The following TRABD2B variants were observed in gnomAD, a reference collection of about 807,000 sequenced individuals.
TRABD2B encodes metalloprotease TIKI2.
In TRABD2B, 14 loss-of-function variants were observed where a neutral mutation model predicts 40.1. That is an observed-to-expected ratio of 0.35 (90% confidence interval 0.23 to 0.55). TRABD2B has a LOEUF of 0.55. TRABD2B is among the 20% of genes least tolerant of loss of function. The probability of loss-of-function intolerance (pLI) is 0.90; values close to 1 mark genes in which losing one functional copy is unlikely to be tolerated. For missense variants in TRABD2B, 541 were observed against 648.6 expected (o/e 0.83, Z 1.80); for synonymous variants, 263 against 277.0 (o/e 0.95, Z 0.50).
At chr1:47,979,572 C>T (rs746039240) in intron 2 of TRABD2B, among the ~76,000 whole-genome samples, 9 of 152,130 alleles carry the variant, frequency 5.9e-5, no homozygotes, top group Non-Finnish European at 1.2e-4. Context: ...CTCTATTCAC[C>T]GACCAAGGAT....
chr1:47,886,734 G>C lies in TRABD2B; in HGVS notation c.667-85115C>G, dbSNP rs547649866. Among the ~76,000 whole-genome samples the C allele has an allele frequency of 2.0e-5, 3 of 152,272 alleles. No individual in the cohort carries two copies. In the East Asian group the frequency reaches 5.8e-4, roughly 29 times the overall value. On this transcript the variant is annotated intron_variant, in intron 2 of 6. Transcript: ENST00000606738. The stretch of plus-strand genomic sequence containing the variant: ...CTCACTGCCAGGCCCTGTGTTAGGG[G>C]CTAGGGACAAACAGTGGTGAATTGG...
intron 2 of TRABD2B, among the ~76,000 whole-genome samples, chr1:47,922,936 T>C (rs961480982): frequency 6.6e-6 from 1 of 152,224 alleles, no homozygotes; most frequent in African/African-American, 2.4e-5. Context: ...AGATCCTGAA[T>C]GGCCTTATAA....
At position 47,893,691 on chromosome 1, in the gene TRABD2B, T is replaced by C. The variant is rs146863010; in HGVS notation, c.667-92072A>G. Reference sequence around the variant, plus strand: ...CACAGGGAAGTTGCCAAACATGCTGTTGTTGATTAAATGCACAGTCGCTAC... The same window carrying C: ...CACAGGGAAGTTGCCAAACATGCTGCTGTTGATTAAATGCACAGTCGCTAC... On this transcript the variant is annotated intron_variant, in intron 2 of 6. Transcript: ENST00000606738. Among the ~76,000 whole-genome samples, 21 of 152,314 alleles carry C rather than the reference T, an allele frequency of 1.4e-4. No individual in the cohort carries two copies. The East Asian group carries it at 4.0e-3, about 29-fold the overall frequency.
At chr1:47,804,732 C>T (rs1218266406) in intron 2 of TRABD2B, among the ~76,000 whole-genome samples, 3 of 152,178 alleles carry the variant, frequency 2.0e-5, no homozygotes, top group Non-Finnish European at 1.5e-5. Context: ...TTAAATAAAA[C>T]TGAGAGGAAA....
chr1:47,879,359 A>C (rs1644268762), intron 2 of TRABD2B, among the ~76,000 whole-genome samples: 1 of 152,140 alleles, frequency 6.6e-6, no homozygotes, highest in African/African-American at 2.4e-5. Context: ...TTATGTTTAG[A>C]TATGTTGAGA....
chr1:47,829,565 C>G (rs1276011865), intron 2 of TRABD2B, among the ~76,000 whole-genome samples: 1 of 152,154 alleles, frequency 6.6e-6, no homozygotes, highest in Non-Finnish European at 1.5e-5. Context: ...CCTGCCAGAT[C>G]CCCAAGCCTA....
intron 2 of TRABD2B, among the ~76,000 whole-genome samples, chr1:47,848,921 ATGGCTCCC>A (rs1384504485): frequency 6.6e-6 from 1 of 152,202 alleles, no homozygotes; most frequent in African/African-American, 2.4e-5. Flanking sequence ...CCCTATGGAC[ATGGCTCCC>A]TGAAATGCCA....
At chr1:47,961,359 A>G (rs1308430172) in intron 2 of TRABD2B, among the ~76,000 whole-genome samples, 1 of 152,238 alleles carries the variant, frequency 6.6e-6, no homozygotes, top group Admixed American at 6.5e-5. Context: ...AAAATTGACC[A>G]ATGGGATCTA....
intron 2 of TRABD2B, among the ~76,000 whole-genome samples, chr1:47,809,426 C>T (rs1244309293): frequency 6.6e-6 from 1 of 152,102 alleles, no homozygotes; most frequent in Admixed American, 6.6e-5. Flanking sequence ...GGACCCCCAC[C>T]CTGAGCAGCT....
chr1:47,778,082 G>T (rs1260693052), intron 5 of TRABD2B, among the ~76,000 whole-genome samples: 2 of 152,126 alleles, frequency 1.3e-5, no homozygotes, highest in Non-Finnish European at 2.9e-5. Context: ...CCAGGAAAGA[G>T]ACCAGGGCCC....
At position 47,996,505 on chromosome 1, in the gene TRABD2B, C is replaced by T. The variant is rs1041905453; in HGVS notation, c.102+183G>A. Among the ~76,000 whole-genome samples, 3 of 152,202 alleles carry T rather than the reference C, an allele frequency of 2.0e-5. No homozygotes were observed. Among genetic ancestry groups the T allele is most frequent in the Admixed American group, 6.5e-5 (1 of 15,292 alleles). On this transcript the variant is annotated intron_variant, in intron 1 of 6. Transcript: ENST00000606738. This position sits in a 1 kb window ranked among gnomAD's most constrained non-coding sequence, Gnocchi z 4.6. The stretch of plus-strand genomic sequence containing the variant: ...ACCGGAGAGGGAGCGCCCCTTCTCG[C>T]TCCTGGCTGGGAGCTGGAGCCGGGA...
intron 2 of TRABD2B, among the ~76,000 whole-genome samples, chr1:47,850,888 A>G (rs1645540775): frequency 1.3e-5 from 2 of 152,216 alleles, no homozygotes; most frequent in South Asian, 4.1e-4. Context: ...GTTCCACTTC[A>G]GATCATCAGA....
At chr1:47,845,567 G>T (rs1645457695) in intron 2 of TRABD2B, among the ~76,000 whole-genome samples, 1 of 152,188 alleles carries the variant, frequency 6.6e-6, no homozygotes, top group South Asian at 2.1e-4. Flanking sequence ...AACCAAGGAA[G>T]TCTGACTTTA....
chr1:47,992,759 A>G (rs781296802), intron 2 of TRABD2B, among the ~76,000 whole-genome samples: 2 of 152,180 alleles, frequency 1.3e-5, no homozygotes, highest in Non-Finnish European at 2.9e-5. Flanking sequence ...CCCCGTGGAG[A>G]AGGAGTCAGG....
At chr1:47,886,728 T>C (rs892729281) in intron 2 of TRABD2B, among the ~76,000 whole-genome samples, 4 of 152,216 alleles carry the variant, frequency 2.6e-5, no homozygotes, top group African/African-American at 9.6e-5. Context: ...AGGCCCTGTG[T>C]TAGGGGCTAG....
intron 4 of TRABD2B, among the ~76,000 whole-genome samples, chr1:47,788,965 A>G (rs991381736): frequency 1.3e-5 from 2 of 152,214 alleles, no homozygotes; most frequent in Non-Finnish European, 2.9e-5. Flanking sequence ...ATATCCTGAG[A>G]AACCTGTTTC....
chr1:47,854,793 T>C (rs968234327), intron 2 of TRABD2B, among the ~76,000 whole-genome samples: 1 of 152,178 alleles, frequency 6.6e-6, no homozygotes, highest in African/African-American at 2.4e-5. Context: ...TTTTGTTTGG[T>C]GTTTGTTTAT....
chr1:47,824,773 G>A (rs1316887177), intron 2 of TRABD2B, among the ~76,000 whole-genome samples: 5 of 152,088 alleles, frequency 3.3e-5, no homozygotes, highest in Non-Finnish European at 5.9e-5. Flanking sequence ...CATTGTTTCC[G>A]GGCCCAGAGC....
intron 2 of TRABD2B, among the ~76,000 whole-genome samples, chr1:47,825,234 GAGAA>G (rs1557595869): frequency 1.3e-5 from 2 of 152,292 alleles, no homozygotes; most frequent in Admixed American, 1.3e-4. Flanking sequence ...GTCAGGCTCA[GAGAA>G]AGAAAGTCAA....
Sources: allele counts gnomAD v4.1 joint callset (sites outside exome capture counted in the v4.1 genomes callset), GRCh38; gene constraint gnomAD v4.1.1; non-coding constraint Gnocchi (gnomAD v3.1); transcripts MANE v1.5; gene names NCBI Gene and HGNC (gene_info 2026-07-23, HGNC 2026-07-21).